Variants in DMD observed in about 807,000 individuals in gnomAD.
DMD encodes dystrophin.
In DMD, 63 loss-of-function variants were observed where a neutral mutation model predicts 330.1. The observed-to-expected ratio is 0.19, with a 90% CI of 0.16 to 0.24. The LOEUF (loss-of-function observed/expected upper bound fraction) is 0.24. Among genes scored for constraint, DMD ranks in the 10% least tolerant of loss-of-function variants. The pLI, the probability that DMD is intolerant of heterozygous loss-of-function variation, is 1.00. For synonymous variants in DMD, 1,223 were observed against 959.8 expected, an observed-to-expected ratio of 1.27 and a Z score of -5.07; for missense variants, 3,344 against 2,684.1, an observed-to-expected ratio of 1.25 and a Z score of -5.43.
At chrX:33,332,785 A>C (rs2054199336) in intron 1 of DMD, among the ~76,000 whole-genome samples, 1 of 111,789 alleles carries the variant, frequency 8.9e-6, no homozygotes, top group African/African-American at 3.2e-5. Flanking sequence ...TTTTAATAAG[A>C]GAAACAAAGT....
chrX:31,385,190 A>G (rs2060389381), intron 60 of DMD, among the ~76,000 whole-genome samples: 1 of 111,778 alleles, frequency 8.9e-6, no homozygotes, highest in African/African-American at 3.3e-5. Flanking sequence ...TGGTACATCT[A>G]CTATTCATTT....
chrX:32,249,392 G>T (rs1363756699), intron 43 of DMD, among the ~76,000 whole-genome samples: 4 of 111,272 alleles, frequency 3.6e-5, no homozygotes, highest in Non-Finnish European at 7.5e-5. Context: ...TGAATCTATG[G>T]TCTCCCATTT....
At chrX:32,209,316 A>C (rs1348707674) in intron 44 of DMD, among the ~76,000 whole-genome samples, 1 of 111,066 alleles carries the variant, frequency 9.0e-6, no homozygotes, top group Non-Finnish European at 1.9e-5. Context: ...ATTAGAGCAC[A>C]AATATATATA....
chrX:32,427,134 A>G (rs145644121), intron 29 of DMD, among the ~76,000 whole-genome samples: 1,975 of 112,084 alleles, frequency 0.018, 30 homozygotes, highest in South Asian at 0.049. Context: ...TGTTGAGACC[A>G]TCTTTCAGAT....
At chrX:32,576,113 C>G (rs1455890044) in intron 13 of DMD, among the ~76,000 whole-genome samples, 1 of 111,714 alleles carries the variant, frequency 9.0e-6, no homozygotes, top group Non-Finnish European at 1.9e-5. Context: ...GTTTTGTTCA[C>G]TGTATGAGTC....
intron 7 of DMD, among the ~76,000 whole-genome samples, chrX:32,787,282 G>A (rs2075466224): frequency 9.2e-6 from 1 of 108,845 alleles, no homozygotes; most frequent in Non-Finnish European, 1.9e-5. Flanking sequence ...GAAAGAGAGA[G>A]AGAACCACTC....
intron 7 of DMD, among the ~76,000 whole-genome samples, chrX:32,791,182 C>A (rs2075792709): frequency 9.3e-6 from 1 of 107,201 alleles, no homozygotes; most frequent in South Asian, 4.0e-4. Flanking sequence ...CATCCACCAC[C>A]AACACCATCA....
At chrX:32,719,193 G>A (rs1337008053) in intron 7 of DMD, among the ~76,000 whole-genome samples, 1 of 111,859 alleles carries the variant, frequency 8.9e-6, no homozygotes. Context: ...ATCAGCCATT[G>A]CATCCACATA....
chrX:32,779,184 C>G (rs2074464300), intron 7 of DMD, among the ~76,000 whole-genome samples: 1 of 110,442 alleles, frequency 9.1e-6, no homozygotes, highest in Non-Finnish European at 1.9e-5. Flanking sequence ...CACAGTAGCT[C>G]ACACAATTCC....
intron 60 of DMD, among the ~76,000 whole-genome samples, chrX:31,408,041 T>C (rs1176288447): frequency 8.9e-6 from 1 of 112,375 alleles, no homozygotes; most frequent in African/African-American, 3.2e-5. Flanking sequence ...TTAATGATGA[T>C]AGCGTAACCT....
chrX:32,225,489 T>C (rs942494328), intron 43 of DMD, among the ~76,000 whole-genome samples: 5 of 111,751 alleles, frequency 4.5e-5, no homozygotes, highest in Non-Finnish European at 9.4e-5. Flanking sequence ...AAAGATGTTA[T>C]GTCAACAATT....
intron 41 of DMD, 69 bp from the exon 42 acceptor site, chrX:32,310,345 A>G (rs748070430): frequency 4.4e-5 from 39 of 877,690 alleles, no homozygotes; most frequent in Middle Eastern, 5.7e-4. Context: ...CATTAAGTTT[A>G]TATAGGTCTC....
chrX:32,781,859 C>T (rs1342347214), intron 7 of DMD, among the ~76,000 whole-genome samples: 1 of 111,087 alleles, frequency 9.0e-6, no homozygotes, highest in Non-Finnish European at 1.9e-5. Flanking sequence ...ATTTGAGTCA[C>T]CTTTAAGAGA....
At chrX:32,084,235 T>C (rs1309472466) in intron 44 of DMD, among the ~76,000 whole-genome samples, 1 of 110,496 alleles carries the variant, frequency 9.1e-6, no homozygotes, top group Non-Finnish European at 1.9e-5. Flanking sequence ...AGTGAGTGAG[T>C]GTGTGTTTGT....
chrX:31,669,994 C>T (rs1411347945), intron 53 of DMD, among the ~76,000 whole-genome samples: 1 of 111,486 alleles, frequency 9.0e-6, no homozygotes, highest in African/African-American at 3.3e-5. Flanking sequence ...TCTTTCAACA[C>T]TGCTTTGTAT....
chrX:31,762,797 GA>G (rs34158869), intron 51 of DMD, among the ~76,000 whole-genome samples: 14,815 of 106,851 alleles, frequency 0.14, 915 homozygotes, highest in East Asian at 0.26. Flanking sequence ...GAGTAAACTG[GA>G]AAAAAAAAAT....
intron 1 of DMD, among the ~76,000 whole-genome samples, chrX:33,297,023 C>T (rs1379258208): frequency 9.0e-6 from 1 of 110,994 alleles, no homozygotes; most frequent in East Asian, 2.8e-4. Context: ...AGATAACTTA[C>T]GCTGTAGTTT....
rs1321096780 is a variant in DMD at position 32,250,752 on chromosome X, GGCT to G, written c.6291-33692_6291-33690del. Among the ~76,000 whole-genome samples the G allele has an allele frequency of 8.0e-5, 9 of 111,880 alleles. 1 individual carries two copies. Among genetic ancestry groups the G allele is most frequent in the Non-Finnish European group, 1.9e-5 (1 of 53,186 alleles). The stretch of plus-strand genomic sequence containing the variant: ...ATGCTGGTGTCCATTACTGTCCACT[GGCT>G]GCTTTGTGAAACTACATCTCCTGGC... On this transcript the variant is annotated intron_variant, in intron 43 of 78. Transcript: ENST00000357033.
At chrX:33,240,790 T>A (rs958968776) in intron 1 of DMD, among the ~76,000 whole-genome samples, 8 of 112,258 alleles carry the variant, frequency 7.1e-5, no homozygotes, top group Non-Finnish European at 1.3e-4. Context: ...GTGGATTTAT[T>A]TACATTTACC....
Sources: gnomAD v4.1 joint callset for allele counts (sites outside exome capture counted in the v4.1 genomes callset) on GRCh38, gnomAD v4.1.1 for gene constraint, MANE v1.5 for transcripts, NCBI Gene and HGNC (gene_info 2026-07-23, HGNC 2026-07-21) for gene names.